The following CEP112 variants were observed in gnomAD, a reference collection of about 807,000 sequenced individuals.
CEP112 encodes the protein centrosomal protein of 112 kDa.
Under a neutral mutation model 153.0 loss-of-function variants are expected in CEP112, and 127 were observed. That is an observed-to-expected ratio of 0.83 (90% CI 0.72 to 0.96). CEP112 has a LOEUF of 0.96. CEP112 is among the 40% of genes least tolerant of loss of function. CEP112 has a pLI of 0.00. For synonymous variants in CEP112, 358 were observed against 374.4 expected (o/e 0.96, Z 0.51); for missense variants, 1,089 against 1,101.2 (o/e 0.99, Z 0.16).
intron 17 of CEP112, among the ~76,000 whole-genome samples, chr17:65,991,494 A>G (rs982346536): frequency 8.1e-5 from 10 of 123,936 alleles, no homozygotes; most frequent in Non-Finnish European, 1.4e-4. Context: ...AGTTAAAAAC[A>G]GCACCATATC....
chr17:65,900,429 T>C (rs1020372530), intron 20 of CEP112, among the ~76,000 whole-genome samples: 8 of 152,148 alleles, frequency 5.3e-5, no homozygotes, highest in African/African-American at 1.9e-4. Flanking sequence ...ACTATCCCTG[T>C]GGCTTTATTA....
intron 19 of CEP112, among the ~76,000 whole-genome samples, chr17:65,923,307 T>G (rs1170113711): frequency 1.3e-5 from 2 of 152,218 alleles, no homozygotes; most frequent in African/African-American, 4.8e-5. Flanking sequence ...TGTTGGTCAT[T>G]TTTTACATTG....
rs371951104 is a variant in CEP112, at chr17:66,063,051, A to G, written c.986T>C (p.Ile329Thr). 3 of 1,591,462 alleles carry G rather than the reference A, an allele frequency of 1.9e-6. No homozygotes were observed. The highest frequency in any genetic ancestry group is 1.7e-4 in the Middle Eastern group (1 of 6,006). Residue 329 changes from isoleucine to threonine, a missense_variant, in exon 11 of 27, where the codon ATC (isoleucine) becomes ACC (threonine). Coordinates refer to ENST00000535342, the MANE Select transcript of CEP112 (RefSeq NM_001199165.4). ...VQTLIRDCQV[I>T]RETKEDQIAE... ...AATCTGGTCTTCTTTAGTCTCTCTGATAACTTGACAGTCACGTATCAGTGT... is the reference window on the plus strand; with the variant it reads ...AATCTGGTCTTCTTTAGTCTCTCTGGTAACTTGACAGTCACGTATCAGTGT...
At chr17:65,704,587 T>G (rs1234430153) in intron 23 of CEP112, among the ~76,000 whole-genome samples, 3 of 152,120 alleles carry the variant, frequency 2.0e-5, no homozygotes, top group Admixed American at 6.5e-5. Flanking sequence ...TATCGGTATT[T>G]TCTTAATTTT....
chr17:65,714,800 A>T (rs1173044893), intron 23 of CEP112, among the ~76,000 whole-genome samples: 1 of 152,182 alleles, frequency 6.6e-6, no homozygotes, highest in African/African-American at 2.4e-5. Flanking sequence ...ATATTTAGGC[A>T]GAAAAAAATA....
At chr17:65,964,438 G>A (rs375691564) in intron 17 of CEP112, among the ~76,000 whole-genome samples, 12 of 152,308 alleles carry the variant, frequency 7.9e-5, no homozygotes, top group Admixed American at 2.6e-4. Context: ...TTCAAGAACA[G>A]GAGGCTTTAA....
chr17:65,925,849 C>T (rs1257915741), intron 19 of CEP112, among the ~76,000 whole-genome samples: 4 of 152,156 alleles, frequency 2.6e-5, no homozygotes, highest in Non-Finnish European at 5.9e-5. Context: ...AAAAACGACT[C>T]AAGATGACAT....
intron 23 of CEP112, among the ~76,000 whole-genome samples, chr17:65,740,091 C>T (rs999772945): frequency 6.6e-6 from 1 of 152,136 alleles, no homozygotes; most frequent in African/African-American, 2.4e-5. Flanking sequence ...TTTTGTTTTG[C>T]AAAAATGAGC....
At chr17:66,185,943 A>G (rs1322522294) in intron 1 of CEP112, among the ~76,000 whole-genome samples, 1 of 152,092 alleles carries the variant, frequency 6.6e-6, no homozygotes, top group African/African-American at 2.4e-5. Context: ...CTGTCTCTGT[A>G]AGTAAATCGT....
chr17:65,809,411 T>G (rs563958599), intron 21 of CEP112, among the ~76,000 whole-genome samples: 274 of 152,202 alleles, frequency 1.8e-3, no homozygotes, highest in Non-Finnish European at 2.6e-3. Context: ...AATGAACTGT[T>G]GGAGGAAGTA....
At chr17:66,113,493 G>A (rs1489919314) in intron 6 of CEP112, among the ~76,000 whole-genome samples, 2 of 152,092 alleles carry the variant, frequency 1.3e-5, no homozygotes, top group Non-Finnish European at 2.9e-5. Flanking sequence ...AACCATCTGT[G>A]ATTTATTTTT....
chr17:66,132,088 G>A (rs1300254648), intron 5 of CEP112, among the ~76,000 whole-genome samples: 1 of 141,834 alleles, frequency 7.1e-6, no homozygotes, highest in African/African-American at 2.6e-5. Flanking sequence ...AGAATGGCTT[G>A]AACCCGGGAG....
intron 23 of CEP112, among the ~76,000 whole-genome samples, chr17:65,731,618 G>A (rs371274468): frequency 3.3e-5 from 5 of 152,292 alleles, no homozygotes; most frequent in East Asian, 1.9e-4. Flanking sequence ...TGTAGCATGC[G>A]ATGCTGTTTG....
chr17:65,920,362 A>ACAAACAAAAAAAAAAAAAT (rs1230889770), intron 19 of CEP112, among the ~76,000 whole-genome samples: 1 of 42,778 alleles, frequency 2.3e-5, no homozygotes, highest in African/African-American at 8.6e-5. Flanking sequence ...AAACAAACAA[A>ACAAACAAAAAAAAAAAAAT]ATATATATAT....
intron 8 of CEP112, among the ~76,000 whole-genome samples, chr17:66,079,951 G>A (rs1169434579): frequency 6.6e-6 from 1 of 152,094 alleles, no homozygotes; most frequent in Non-Finnish European, 1.5e-5. Context: ...AAACTGGCTA[G>A]CCATAGGTAG....
intron 12 of CEP112, among the ~76,000 whole-genome samples, chr17:66,050,444 T>A (rs2066392110): frequency 6.6e-6 from 1 of 152,160 alleles, no homozygotes; most frequent in Non-Finnish European, 1.5e-5. Flanking sequence ...AGTCTCCCAA[T>A]CCAGAGACTG....
At chr17:66,048,455 C>A (rs2066305643) in intron 12 of CEP112, among the ~76,000 whole-genome samples, 1 of 152,138 alleles carries the variant, frequency 6.6e-6, no homozygotes, top group Non-Finnish European at 1.5e-5. Flanking sequence ...AAAATTAAAT[C>A]TCTTATCCTG....
intron 24 of CEP112, among the ~76,000 whole-genome samples, chr17:65,678,170 A>C (rs1358088070): frequency 1.3e-5 from 2 of 152,058 alleles, no homozygotes; most frequent in Non-Finnish European, 2.9e-5. Context: ...CACTGTGTTG[A>C]TCTCTACTTT....
chr17:66,092,679 C>T (rs2068187930), intron 8 of CEP112, among the ~76,000 whole-genome samples: 1 of 152,104 alleles, frequency 6.6e-6, no homozygotes, highest in African/African-American at 2.4e-5. Context: ...TCACCATGAT[C>T]AAGTGGAATT....
Sources: allele counts gnomAD v4.1 joint callset (sites outside exome capture counted in the v4.1 genomes callset), GRCh38; gene constraint gnomAD v4.1.1; transcripts MANE v1.5; gene names NCBI Gene and HGNC (gene_info 2026-07-23, HGNC 2026-07-21).